The following DNAH17 variants were observed in gnomAD, a reference collection of about 807,000 sequenced individuals.
The protein encoded by DNAH17 is axonemal beta dynein heavy chain 17.
A neutral mutation model predicts 485.6 loss-of-function variants in DNAH17; 376 were observed. The ratio of observed to expected loss-of-function variants is 0.77; its 90% CI spans 0.71 to 0.84. The LOEUF is 0.84. Ranked by LOEUF, DNAH17 falls within the 40% of genes least tolerant of loss-of-function variation. The probability of loss-of-function intolerance (pLI) is 0.00; values close to 1 mark genes in which losing one functional copy is unlikely to be tolerated. For synonymous variants in DNAH17, 3,031 were observed against 2,405.9 expected, an observed-to-expected ratio of 1.26 and a Z score of -7.60; for missense variants, 6,370 against 5,839.3, an observed-to-expected ratio of 1.09 and a Z score of -2.96.
chr17:78,444,841 C>A, intron 70 of DNAH17, 44 bp from the exon 71 acceptor site: 1 of 1,524,110 alleles, frequency 6.6e-7, no homozygotes, highest in South Asian at 1.3e-5. Flanking sequence ...CCCACTTACC[C>A]GGGTCCCGAG....
intron 19 of DNAH17, among the ~76,000 whole-genome samples, chr17:78,535,455 T>G (rs908584253): frequency 6.6e-6 from 1 of 152,116 alleles, no homozygotes; most frequent in Admixed American, 6.5e-5. Flanking sequence ...CGTGTCCTCA[T>G]GTCACCTCTG....
At chr17:78,456,481 A>G (rs2087808054) in intron 62 of DNAH17, among the ~76,000 whole-genome samples, 1 of 152,156 alleles carries the variant, frequency 6.6e-6, no homozygotes, top group South Asian at 2.1e-4. Context: ...CAGATACCAC[A>G]GAGCACTGTC....
rs78972421 is a variant in DNAH17 at position 78,523,522 on chromosome 17, TAAAA to T, written c.3864+1483_3864+1486del. On this transcript the variant is annotated intron_variant, in intron 25 of 80. Coordinates refer to ENST00000389840, the MANE Select transcript of DNAH17 (RefSeq NM_173628.4). The stretch of plus-strand genomic sequence containing the variant: ...TATGAATAACTGGATTAAAAAAACT[TAAAA>T]AAAGTCAATTGGAAAAAAAAAGTCA... Among the ~76,000 whole-genome samples the T allele has an allele frequency of 2.8e-4, 42 of 152,008 alleles. 1 individual carries two copies. Among genetic ancestry groups the T allele is most frequent in the African/African-American group, 9.2e-4 (38 of 41,420 alleles).
rs149523069 is a variant in DNAH17 at position 78,549,308 on chromosome 17, C to T, written c.2391+2227G>A. The stretch of plus-strand genomic sequence containing the variant: ...CCTCTCTCTACTACGTGAGGCACAT[C>T]GAGAAGGCAGCCGTCTGCACACCAG... On this transcript the variant is annotated intron_variant, in intron 16 of 80. Transcript: ENST00000389840. Among the ~76,000 whole-genome samples the T allele has an allele frequency of 9.3e-4, 142 of 152,246 alleles. 1 individual carries two copies. Among genetic ancestry groups the T allele is most frequent in the African/African-American group, 3.2e-3 (131 of 41,524 alleles).
rs7210803 is a variant in DNAH17 at position 78,453,396 on chromosome 17, G to A, written c.10476C>T (p.Thr3492=). The part of the protein sequence containing the change: ...DTLLIENIGE[T]VDPVLDPLLG... ...GTAGAGGGTCCAGCACGGGGTCCAC[G>A]GTTTCGCCGATGTTCTCAATGAGCA... The change falls in exon 65 of 81, where the codon ACC becomes ACT. Residue 3492 remains threonine, a synonymous_variant. Transcript: ENST00000389840. 4,987 of 1,613,778 alleles carry A rather than the reference G, an allele frequency of 3.1e-3. 135 individuals carry two copies. The African/African-American group carries it at 0.056, about 18-fold the overall frequency.
intron 55 of DNAH17, among the ~76,000 whole-genome samples, chr17:78,467,860 A>G (rs1261829649): frequency 6.6e-6 from 1 of 152,172 alleles, no homozygotes; most frequent in Non-Finnish European, 1.5e-5. Flanking sequence ...TCTACTAAAA[A>G]TAAAAAATTT....
intron 16 of DNAH17, among the ~76,000 whole-genome samples, chr17:78,545,522 G>C (rs1174270778): frequency 6.6e-6 from 1 of 152,118 alleles, no homozygotes; most frequent in African/African-American, 2.4e-5. Flanking sequence ...CGGAGGGGCA[G>C]AGTGAGCTCT....
intron 58 of DNAH17, among the ~76,000 whole-genome samples, chr17:78,461,303 G>A (rs776703520): frequency 2.0e-5 from 3 of 152,232 alleles, no homozygotes; most frequent in Non-Finnish European, 4.4e-5. Context: ...TAGGCTGGGG[G>A]CTGAACATGG....
In DNAH17 at chr17:78,449,645, C is replaced by T. The variant is rs75953831; in HGVS notation, c.11041-61G>A. 6.4e-4 allele frequency: 952 copies of T among 1,489,758 alleles called. 9 individuals are homozygous for T. The African/African-American group carries it at 0.012, about 18-fold the overall frequency. The allele number at this position is 1,489,758 out of a possible 1,614,324, so 92.3% of individuals were successfully genotyped here. On this transcript the variant is annotated intron_variant, in intron 68 of 80. Coordinates refer to ENST00000389840, the MANE Select transcript of DNAH17 (RefSeq NM_173628.4). ...AGAGATGGAGCCCTTCACCACTCCC[C>T]GCCACCACTCCCTGCCACCTGTGGT... is the stretch of plus-strand genomic sequence containing the variant.
chr17:78,532,572 A>T lies in DNAH17; in HGVS notation c.3024T>A (p.Tyr1008Ter), dbSNP rs756183596. 1.2e-6 allele frequency: 2 copies of T among 1,609,842 alleles called. No homozygotes were observed. Among genetic ancestry groups the T allele is most frequent in the Admixed American group, 1.7e-5 (1 of 59,380 alleles). The change falls in exon 20 of 81, where the codon TAT becomes TAA. Residue 1008 changes from tyrosine to a stop codon, truncating the protein, a stop_gained. Transcript: ENST00000389840. LOFTEE classifies it high-confidence loss of function. Reference sequence around the variant, plus strand: ...AGTCCTCCGCAGTGACTGCACACCCATATATCAGGAAATTCTTCATAAACT... The same window carrying T: ...AGTCCTCCGCAGTGACTGCACACCCTTATATCAGGAAATTCTTCATAAACT... ...LQEFMKNFLI[Y>*]GCAVTAEDLD...
chr17:78,434,546 T>C (rs1007247934), intron 74 of DNAH17, among the ~76,000 whole-genome samples: 2 of 152,158 alleles, frequency 1.3e-5, no homozygotes, highest in Non-Finnish European at 2.9e-5. Context: ...TACGAAATAA[T>C]GTTCCTTTGT....
intron 71 of DNAH17, 89 bp from the exon 72 acceptor site, chr17:78,441,288 G>C (rs536636147): frequency 6.8e-7 from 1 of 1,465,738 alleles, no homozygotes. Context: ...AGGCAGGGGG[G>C]CCATTTTTTG....
intron 25 of DNAH17, among the ~76,000 whole-genome samples, chr17:78,524,071 G>C (rs78514046): frequency 1.7e-4 from 26 of 152,094 alleles, no homozygotes; most frequent in Non-Finnish European, 2.5e-4. Flanking sequence ...CGTATTAGGA[G>C]GCAGGGCCTT....
intron 69 of DNAH17, among the ~76,000 whole-genome samples, chr17:78,446,641 TTTA>T (rs1217788729): frequency 6.6e-6 from 1 of 152,046 alleles, no homozygotes; most frequent in Non-Finnish European, 1.5e-5. Flanking sequence ...TATTTTATTA[TTTA>T]TTATTATTTA....
In DNAH17 at chr17:78,543,990, G is replaced by T. The variant is rs141150806; in HGVS notation, c.2399C>A (p.Ser800Ter). ...CTTTCTTTCAAACAGCGGGTTGGCCGACCAGTCCTGGAAGGAAAGCACAGG... is the reference window on the plus strand; with the variant it reads ...CTTTCTTTCAAACAGCGGGTTGGCCTACCAGTCCTGGAAGGAAAGCACAGG... ...EGISQAMKDW[S>*]ANPLFERKDN... Residue 800 changes from serine to a stop codon, truncating the protein, a stop_gained, in exon 17 of 81, where the codon TCG (serine) becomes TAG (stop). Coordinates refer to ENST00000389840, the MANE Select transcript of DNAH17 (RefSeq NM_173628.4). LOFTEE classifies it high-confidence loss of function. The T allele has an allele frequency of 6.2e-6, 10 of 1,613,938 alleles. No individual in the cohort carries two copies. The highest frequency in any genetic ancestry group is 6.8e-6 in the Non-Finnish European group (8 of 1,179,884).
chr17:78,490,545 C>T (rs1474728315), intron 44 of DNAH17, among the ~76,000 whole-genome samples, 154 bp downstream of exon 44: 3 of 142,798 alleles, frequency 2.1e-5, no homozygotes, highest in African/African-American at 8.0e-5. Context: ...TCCCAGGTCT[C>T]TCACCCCTTC....
chr17:78,456,509 G>C (rs79983637), intron 62 of DNAH17, among the ~76,000 whole-genome samples: 4,240 of 152,266 alleles, frequency 0.028, 84 homozygotes, highest in Middle Eastern at 0.082. Context: ...GCTGGTGACA[G>C]AGCCCGGGTG....
At chr17:78,553,586 T>C (rs1487676876) in intron 14 of DNAH17, among the ~76,000 whole-genome samples, 2 of 152,098 alleles carry the variant, frequency 1.3e-5, no homozygotes, top group Non-Finnish European at 2.9e-5. Context: ...CAAGTATTTC[T>C]TTATAGCAAT....
intron 11 of DNAH17, among the ~76,000 whole-genome samples, chr17:78,564,074 C>T (rs1385972520): frequency 6.6e-6 from 1 of 152,194 alleles, no homozygotes; most frequent in Non-Finnish European, 1.5e-5. Context: ...TTGTTCCTCG[C>T]TAGCTCCATT....
Sources: allele counts gnomAD v4.1 joint callset (sites outside exome capture counted in the v4.1 genomes callset), GRCh38; gene constraint gnomAD v4.1.1; transcripts MANE v1.5; gene names NCBI Gene and HGNC (gene_info 2026-07-23, HGNC 2026-07-21).